KRT71: variants seen among roughly 807,000 people sequenced by gnomAD.
KRT71 encodes keratin 71, also known as keratin, type II cytoskeletal 71.
In KRT71, 42 loss-of-function variants were observed where a neutral mutation model predicts 46.2. The observed-to-expected ratio is 0.91, with a 90% CI of 0.71 to 1.18. KRT71 has a LOEUF of 1.18. KRT71 is among the 50% of genes most tolerant of loss of function. The pLI is 0.00. For missense variants in KRT71, 708 were observed against 677.9 expected (o/e 1.04, Z -0.49); for synonymous variants, 292 against 277.8 (o/e 1.05, Z -0.51).
In KRT71 at chr12:52,553,051, C is replaced by G. The variant is rs772617563; in HGVS notation, c.27G>C (p.Ser9=). ...TGAAGCCCCCCTTGGCGGCAGCTCC[C>G]GACTTGCAGGTGAATTGGCGGCTCA... MSRQFTCK[S]GAAAKGGFSG... is the part of the protein sequence containing the mutation. Residue 9 remains serine (S), a synonymous_variant, in exon 1 of 9, where the codon TCG becomes TCC. Coordinates refer to ENST00000267119, the MANE Select transcript of KRT71 (RefSeq NM_033448.3). The G allele has an allele frequency of 1.3e-6, 2 of 1,587,868 alleles. No individual in the cohort carries two copies. The highest frequency in any genetic ancestry group is 1.3e-5 in the African/African-American group (1 of 74,130).
In KRT71 at chr12:52,550,057, G is replaced by T. The variant is rs780977717; in HGVS notation, c.628C>A (p.Arg210=). The T allele has an allele frequency of 2.5e-6, 4 of 1,613,948 alleles. No individual in the cohort carries two copies. In the Admixed American group the frequency reaches 6.7e-5, roughly 27 times the overall value. The part of the protein sequence containing the change: ...VRLDSELRNV[R]DVVEDYKKRY... Reference sequence around the variant, plus strand: ...TTCTTGTAGTCCTCCACTACGTCCCGCACATTCCTCAGCTCCGAGTCCAGC... The same window carrying T: ...TTCTTGTAGTCCTCCACTACGTCCCTCACATTCCTCAGCTCCGAGTCCAGC... Residue 210 remains arginine, a synonymous_variant, in exon 2 of 9, where the codon CGG becomes AGG. Transcript: ENST00000267119.
At chr12:52,548,382 C>T (rs1339499884) in intron 4 of KRT71, 66 bp from the exon 5 acceptor site, 38 of 1,526,182 alleles carry the variant, frequency 2.5e-5, no homozygotes, top group Non-Finnish European at 3.4e-5. Context: ...CACCCCCAAA[C>T]AAGATGAGCA....
At position 52,548,578 on chromosome 12, in the gene KRT71, G is replaced by A. The variant is rs622446; in HGVS notation, c.813+123C>T. The stretch of plus-strand genomic sequence containing the variant: ...TAGGAGCCTCGCAAGTCTGATGCGG[G>A]AGATGGTTGGCTAACTGAGGGGTCT... On this transcript the variant is annotated intron_variant, in intron 4 of 8. Transcript: ENST00000267119. The A allele has an allele frequency of 0.16, 137,879 of 886,076 alleles. 11,524 individuals carry two copies. Among genetic ancestry groups the A allele is most frequent in the South Asian group, 0.22 (13,779 of 63,192 alleles). 54.9% of individuals were successfully genotyped at this position (886,076 alleles called of 1,614,324 possible).
intron 8 of KRT71, among the ~76,000 whole-genome samples, chr12:52,545,083 C>A (rs989325411): frequency 2.0e-5 from 3 of 152,218 alleles, no homozygotes; most frequent in African/African-American, 7.2e-5. Flanking sequence ...CTTCCTCCTG[C>A]TAGCTGTCCC....
Position 52,551,008 on chromosome 12 carries a change from A to G in KRT71, c.442-765T>C, listed in dbSNP as rs564955506. Among the ~76,000 whole-genome samples, 7 of 152,364 alleles carry G rather than the reference A, an allele frequency of 4.6e-5. No individual in the cohort carries two copies. In the East Asian group the frequency reaches 1.4e-3, roughly 29 times the overall value. On this transcript the variant is annotated intron_variant, in intron 1 of 8. Coordinates refer to ENST00000267119, the MANE Select transcript of KRT71 (RefSeq NM_033448.3). ...AACACAAGACATGGGAAAACTATCT[A>G]AGATTCAGTGTCAAGATAGAATTAT... is the stretch of plus-strand genomic sequence containing the variant.
At chr12:52,552,342 G>A (rs531413168) in intron 1 of KRT71, among the ~76,000 whole-genome samples, 38 of 152,318 alleles carry the variant, frequency 2.5e-4, no homozygotes, top group African/African-American at 4.6e-4. Flanking sequence ...TTCTGCACAC[G>A]GCCTGCAGGC....
chr12:52,548,344 G>C, intron 4 of KRT71, 28 bp from the exon 5 acceptor site: 1 of 1,583,610 alleles, frequency 6.3e-7, no homozygotes, highest in Non-Finnish European at 8.6e-7. Context: ...ATGGTCTCTC[G>C]GCTCAACTGC....
At chr12:52,552,501 TG>T in intron 1 of KRT71, 135 bp downstream of exon 1, 1 of 872,742 alleles carries the variant, frequency 1.1e-6, no homozygotes, top group South Asian at 1.8e-5. Flanking sequence ...ACCCTGTTGA[TG>T]GGATGTACCT....
At position 52,550,073 on chromosome 12, in the gene KRT71, C is replaced by T. The variant is rs375959933; in HGVS notation, c.612G>A (p.Ser204=). The T allele has an allele frequency of 1.9e-5, 30 of 1,614,164 alleles. No homozygotes were observed. The highest frequency in any genetic ancestry group is 3.3e-5 in the Admixed American group (2 of 60,028). The change falls in exon 2 of 9, where the codon TCG becomes TCA. Residue 204 remains serine (S), a synonymous_variant. Coordinates refer to ENST00000267119, the MANE Select transcript of KRT71 (RefSeq NM_033448.3). ...TLSGDRVRLD[S]ELRNVRDVVE... is the part of the protein sequence containing the mutation. ...CTACGTCCCGCACATTCCTCAGCTCCGAGTCCAGCCTCACCCTGTCCCCAG... is the reference window on the plus strand; with the variant it reads ...CTACGTCCCGCACATTCCTCAGCTCTGAGTCCAGCCTCACCCTGTCCCCAG...
rs59283842 is a variant in KRT71, at chr12:52,552,919, AC to A, written c.158del (p.Gly53ValfsTer85). ...CACTGGCCACATTGAGGCTCCGGAC[AC>A]CCCCCAGGCTGTAGAGGCTCCGGCT... ...FGSRSLYSLG[G>X]VRSLNVASGS... On this transcript the variant is annotated frameshift_variant, in exon 1 of 9. Transcript: ENST00000267119. LOFTEE classifies it high-confidence loss of function. 2.5e-6 allele frequency: 4 copies of A among 1,613,538 alleles called. No homozygotes were observed. The highest frequency in any genetic ancestry group is 1.3e-5 in the African/African-American group (1 of 74,884).
At position 52,547,896 on chromosome 12, in the gene KRT71, G is replaced by A; in HGVS notation, c.1065C>T (p.Ile355=). ...TCTCGATCTCTGAGCGGATTCTCTG[G>A]ATGAGCCGAGTGAGCTCCGAGATTT... ...KNEISELTRL[I]QRIRSEIENV... The change falls in exon 6 of 9, where the codon ATC becomes ATT. Residue 355 remains isoleucine (I), a synonymous_variant. Transcript: ENST00000267119. 1 of 1,614,160 alleles carries A rather than the reference G, an allele frequency of 6.2e-7. No individual in the cohort carries two copies. The highest frequency in any genetic ancestry group is 8.5e-7 in the Non-Finnish European group (1 of 1,180,036).
Position 52,552,953 on chromosome 12 carries a change from C to T in KRT71, c.125G>A (p.Gly42Asp), listed in dbSNP as rs1939199642. The T allele has an allele frequency of 6.2e-7, 1 of 1,614,040 alleles. No individual in the cohort carries two copies. Among genetic ancestry groups the T allele is most frequent in the African/African-American group, 1.3e-5 (1 of 74,946 alleles). The stretch of plus-strand genomic sequence containing the variant: ...GCTGTAGAGGCTCCGGCTGCCAAAG[C>T]CCCCACTGAGCCCTTTGCTCCCTGC... ...FRAGSKGLSG[G>D]FGSRSLYSLG... The change falls in exon 1 of 9, where the codon GGC becomes GAC. Residue 42 changes from glycine (G) to aspartate (D), a missense_variant. Coordinates refer to ENST00000267119, the MANE Select transcript of KRT71 (RefSeq NM_033448.3).
intron 4 of KRT71, 143 bp from the exon 5 acceptor site, chr12:52,548,459 C>T (rs563876955): frequency 2.2e-5 from 22 of 1,014,444 alleles, no homozygotes; most frequent in Middle Eastern, 2.3e-4. Context: ...GTGTGCTTTG[C>T]GGCAAAGCAA....
chr12:52,548,448 T>G (rs1939098349), intron 4 of KRT71, 132 bp from the exon 5 acceptor site: 5 of 1,103,620 alleles, frequency 4.5e-6, no homozygotes, highest in Non-Finnish European at 6.5e-6. Flanking sequence ...CATCCAGGGC[T>G]GTGTGCTTTG....
chr12:52,544,683 C>T lies in KRT71; in HGVS notation c.1421G>A (p.Gly474Asp). 1.2e-6 allele frequency: 2 copies of T among 1,613,806 alleles called. No homozygotes were observed. The highest frequency in any genetic ancestry group is 1.1e-5 in the South Asian group (1 of 91,078). The change falls in exon 9 of 9, where the codon GGT becomes GAT. Residue 474 changes from glycine (G) to aspartate (D), a missense_variant. By Grantham distance (94) the Gly-to-Asp change is moderately conservative. Coordinates refer to ENST00000267119, the MANE Select transcript of KRT71 (RefSeq NM_033448.3). ...VYGFRPSMVS[G>D]GYVANSSNCI... ...GTTGCTGCTGTTGGCCACATAGCCACCGCTGACCATGCTGGGCCGGAAGCC... is the reference window on the plus strand; with the variant it reads ...GTTGCTGCTGTTGGCCACATAGCCATCGCTGACCATGCTGGGCCGGAAGCC...
intron 1 of KRT71, among the ~76,000 whole-genome samples, chr12:52,551,293 C>G (rs1309668622): frequency 1.3e-5 from 2 of 152,216 alleles, no homozygotes; most frequent in Non-Finnish European, 2.9e-5. Flanking sequence ...CAGCCTCCTT[C>G]CCCTCCCTCT....
chr12:52,553,030 GC>G lies in KRT71; in HGVS notation c.47del (p.Gly16AlafsTer122). 6.2e-7 allele frequency: 1 copy of G among 1,600,644 alleles called. No homozygotes were observed. The highest frequency in any genetic ancestry group is 1.3e-5 in the African/African-American group (1 of 74,626). ...TCKSGAAAKG[G>X]FSGCSAVLSG... ...AGAGCACAGCTGAGCAGCCACTGAA[GC>G]CCCCCTTGGCGGCAGCTCCCGACTT... is the stretch of plus-strand genomic sequence containing the variant. On this transcript the variant is annotated frameshift_variant, in exon 1 of 9. Coordinates refer to ENST00000267119, the MANE Select transcript of KRT71 (RefSeq NM_033448.3). LOFTEE classifies it high-confidence loss of function.
rs117056057 is a variant in KRT71 at position 52,547,308 on chromosome 12, G to A, written c.1104+549C>T. Among the ~76,000 whole-genome samples the A allele has an allele frequency of 1.1e-3, 160 of 152,320 alleles. 3 individuals are homozygous for A. The East Asian group carries it at 0.029, about 28-fold the overall frequency. On this transcript the variant is annotated intron_variant, in intron 6 of 8. Transcript: ENST00000267119. ...TGCCGCTGCCATTGCTATCGTATAT[G>A]TACATCTTGTGTCTCACCTACAAGC...
rs1939026389 is a variant in KRT71 at position 52,544,629 on chromosome 12, C to G, written c.1475G>C (p.Gly492Ala). ...NCISGVCSVR[G>A]GEGRSRGSAN... The stretch of plus-strand genomic sequence containing the variant: ...ACTGCCCCGGCTCCTGCCCTCCCCG[C>G]CTCTCACGCTGCACACTCCAGAGAT... The change falls in exon 9 of 9, where the codon GGC (glycine) becomes GCC (alanine). Residue 492 changes from glycine to alanine, a missense_variant. Gly to Ala is a moderately conservative substitution (Grantham distance 60). Coordinates refer to ENST00000267119, the MANE Select transcript of KRT71 (RefSeq NM_033448.3). 2 of 1,614,124 alleles carry G rather than the reference C, an allele frequency of 1.2e-6. No homozygotes were observed. The highest frequency in any genetic ancestry group is 4.5e-5 in the East Asian group (2 of 44,882).
Sources: gnomAD v4.1 joint callset for allele counts (sites outside exome capture counted in the v4.1 genomes callset) on GRCh38, gnomAD v4.1.1 for gene constraint, MANE v1.5 for transcripts, NCBI Gene and HGNC (gene_info 2026-07-23, HGNC 2026-07-21) for gene names.